Variants in TULP4 observed in about 807,000 individuals in gnomAD.
TULP4 encodes the protein TUB like protein 4, also known as tubby-related protein 4.
Under a neutral mutation model 129.0 loss-of-function variants are expected in TULP4, and 16 were observed. The ratio of observed to expected loss-of-function variants is 0.12; its 90% CI spans 0.08 to 0.19. The LOEUF is 0.19. Among genes scored for constraint, TULP4 ranks in the 10% least tolerant of loss-of-function variants. TULP4 has a pLI of 1.00. For synonymous variants in TULP4, 998 were observed against 854.0 expected (o/e 1.17, Z -2.94); for missense variants, 1,842 against 2,059.1 (o/e 0.89, Z 2.04).
At chr6:158,448,216 A>T (rs1240060197) in intron 3 of TULP4, among the ~76,000 whole-genome samples, 1 of 152,140 alleles carries the variant, frequency 6.6e-6, no homozygotes, top group Non-Finnish European at 1.5e-5. Context: ...GCTCCTGAGT[A>T]TGTGCTCTGA....
At chr6:158,379,644 T>G (rs1447155863) in intron 1 of TULP4, among the ~76,000 whole-genome samples, 1 of 152,108 alleles carries the variant, frequency 6.6e-6, no homozygotes, top group Non-Finnish European at 1.5e-5. Context: ...TATTCAAGAT[T>G]GCGGCTTGGG....
At chr6:158,462,906 C>T (rs912963805) in intron 6 of TULP4, among the ~76,000 whole-genome samples, 3 of 152,050 alleles carry the variant, frequency 2.0e-5, no homozygotes, top group Non-Finnish European at 4.4e-5. Context: ...CCCGCCACCA[C>T]GCCCGGCTAA....
intron 6 of TULP4, among the ~76,000 whole-genome samples, chr6:158,472,273 A>C (rs1386652884): frequency 6.6e-6 from 1 of 152,196 alleles, no homozygotes; most frequent in African/African-American, 2.4e-5. Flanking sequence ...TAACCATTGC[A>C]GAAGTTCTCA....
intron 1 of TULP4, among the ~76,000 whole-genome samples, chr6:158,263,730 T>TG (rs1312220372): frequency 6.6e-6 from 1 of 152,048 alleles, no homozygotes; most frequent in Non-Finnish European, 1.5e-5. Flanking sequence ...CACTTCAGCC[T>TG]GGGCGACAGA....
At chr6:158,279,501 A>G (rs1778710419), upstream of TULP4, among the ~76,000 whole-genome samples, 1 of 152,344 alleles carries the variant, frequency 6.6e-6, no homozygotes, top group African/African-American at 2.4e-5. Flanking sequence ...CATTTAGAAG[A>G]TAATTTCTAG....
intron 6 of TULP4, among the ~76,000 whole-genome samples, chr6:158,473,771 C>T (rs1779747782): frequency 6.6e-6 from 1 of 152,216 alleles, no homozygotes; most frequent in Non-Finnish European, 1.5e-5. Context: ...TCTCCTGCTT[C>T]AGCCTCCCAA....
Position 158,501,767 on chromosome 6 carries a change from T to G in TULP4, c.2104T>G (p.Ser702Ala). The change falls in exon 13 of 14, where the codon TCC (serine) becomes GCC (alanine). Residue 702 changes from serine (S) to alanine (A), a missense_variant. By Grantham distance (99) the Ser-to-Ala change is moderately conservative (BLOSUM62 1). Transcript: ENST00000367097. ...GATCCACAGCTCGGCTCAGGCTATG[T>G]CCCCCACGCAGAGCATAGGGCTGGT... is the stretch of plus-strand genomic sequence containing the variant. ...APIHSSAQAM[S>A]PTQSIGLVQS... 1 of 1,614,026 alleles carries G rather than the reference T, an allele frequency of 6.2e-7. No individual in the cohort carries two copies. Among genetic ancestry groups the G allele is most frequent in the Non-Finnish European group, 8.5e-7 (1 of 1,179,982 alleles).
intron 2 of TULP4, among the ~76,000 whole-genome samples, chr6:158,415,387 T>C (rs1374675381): frequency 6.7e-6 from 1 of 149,440 alleles, no homozygotes; most frequent in African/African-American, 2.5e-5. Flanking sequence ...TCACGCTCTG[T>C]CGCCCAGGCT....
Position 158,241,973 on chromosome 6 carries a change from T to G in TULP4, n.68+9670T>G, listed in dbSNP as rs1583668399. The G allele has an allele frequency of 6.8e-6, 6 of 878,280 alleles. No individual in the cohort carries two copies. In the East Asian group the frequency reaches 1.2e-4, roughly 17 times the overall value. 54.4% of individuals were successfully genotyped at this position (878,280 alleles called of 1,614,324 possible). Reference sequence around the variant, plus strand: ...CTTTCCGCATTGGTTAATTTCACTTTCTTCTTGGAGTCAAAGACATTTTGG... The same window carrying G: ...CTTTCCGCATTGGTTAATTTCACTTGCTTCTTGGAGTCAAAGACATTTTGG... On this transcript the variant is annotated intron_variant and non_coding_transcript_variant, in intron 1 of 1. Coordinates refer to the TULP4 transcript ENST00000620026.
At chr6:158,236,182 T>C (rs1271115779) in intron 1 of TULP4, among the ~76,000 whole-genome samples, 1 of 152,230 alleles carries the variant, frequency 6.6e-6, no homozygotes, top group African/African-American at 2.4e-5. Context: ...AGAATTCCAG[T>C]ATGGGAAAAG....
At chr6:158,240,035 C>T (rs1562490668) in intron 1 of TULP4, among the ~76,000 whole-genome samples, 4 of 94,424 alleles carry the variant, frequency 4.2e-5, no homozygotes, top group African/African-American at 7.4e-5. Context: ...GCTGGCCGGG[C>T]GGGGGGCTGA....
chr6:158,432,214 C>G (rs1191577888), intron 3 of TULP4, among the ~76,000 whole-genome samples: 1 of 151,416 alleles, frequency 6.6e-6, no homozygotes, highest in Non-Finnish European at 1.5e-5. Context: ...CTTGTTTGAA[C>G]TGAGACATAG....
intron 1 of TULP4, among the ~76,000 whole-genome samples, chr6:158,388,315 C>A (rs1051652215): frequency 9.8e-6 from 1 of 102,426 alleles, no homozygotes; most frequent in Non-Finnish European, 2.0e-5. Context: ...ATAATCTGCT[C>A]GTTTTTCTTT....
chr6:158,309,454 C>T (rs1183530534), upstream of TULP4, among the ~76,000 whole-genome samples: 1 of 147,990 alleles, frequency 6.8e-6, no homozygotes. Context: ...CGATGGGCGG[C>T]CAGGCAGAGA....
rs557678837 is a variant in TULP4, at chr6:158,427,471, C to CTTTTTTTTTT, written c.382-2233_382-2224dup. 2.4e-3 allele frequency among the ~76,000 whole-genome samples: 179 copies of CTTTTTTTTTT among 74,132 alleles called. 30 individuals carry two copies. Among genetic ancestry groups the CTTTTTTTTTT allele is most frequent in the African/African-American group, 3.0e-3 (48 of 16,112 alleles). The allele number at this position is 74,132 out of a possible 152,430, so 48.6% of individuals were successfully genotyped here. On this transcript the variant is annotated intron_variant, in intron 2 of 13. Coordinates refer to ENST00000367097, the MANE Select transcript of TULP4 (RefSeq NM_020245.5). ...AAATTCCTTTTCAAAATTATCAGAC[C>CTTTTTTTTTT]TTTTTTTTTTTTTTTTTTTTTTTTT...
chr6:158,491,432 T>TTGAGGAGTCTCG (rs1562589148), intron 9 of TULP4, among the ~76,000 whole-genome samples: 1 of 50,644 alleles, frequency 2.0e-5, no homozygotes, highest in African/African-American at 1.0e-4. Context: ...TTTCTTTCTT[T>TTGAGGAGTCTCG]CTTTCTTTCT....
intron 1 of TULP4, among the ~76,000 whole-genome samples, chr6:158,261,283 T>G (rs1778347825): frequency 6.6e-6 from 1 of 152,254 alleles, no homozygotes; most frequent in African/African-American, 2.4e-5. Flanking sequence ...TTTGTTTAAT[T>G]GTACTTAATT....
chr6:158,482,396 C>T (rs539255239), intron 8 of TULP4, among the ~76,000 whole-genome samples: 5 of 152,324 alleles, frequency 3.3e-5, no homozygotes, highest in South Asian at 2.1e-4. Flanking sequence ...AACAGCAATA[C>T]CACTTGTCAA....
intron 6 of TULP4, among the ~76,000 whole-genome samples, chr6:158,462,036 G>GTAATTTTC (rs1470013792): frequency 6.6e-6 from 1 of 152,170 alleles, no homozygotes. Flanking sequence ...GAGAGGAAGA[G>GTAATTTTC]TAATTTTCTT....
Sources: allele counts gnomAD v4.1 joint callset (sites outside exome capture counted in the v4.1 genomes callset), GRCh38; gene constraint gnomAD v4.1.1; transcripts MANE v1.5; gene names NCBI Gene and HGNC (gene_info 2026-07-23, HGNC 2026-07-21).